DHX57: variants seen among roughly 807,000 people sequenced by gnomAD.
DHX57 encodes DExH-box helicase 57, also known as putative ATP-dependent RNA helicase DHX57.
In DHX57, 105 loss-of-function variants were observed where a neutral mutation model predicts 156.2. That is an observed-to-expected ratio of 0.67 (90% CI 0.57 to 0.79). The LOEUF is 0.79. Among genes scored for constraint, DHX57 ranks in the 30% least tolerant of loss-of-function variants. The probability of loss-of-function intolerance (pLI) is 0.00; values close to 1 mark genes in which losing one functional copy is unlikely to be tolerated. For synonymous variants in DHX57, 704 were observed against 595.6 expected (o/e 1.18, Z -2.65); for missense variants, 1,847 against 1,661.9 (o/e 1.11, Z -1.94).
chr2:38,823,050 G>A lies in DHX57; in HGVS notation c.3234C>T (p.Phe1078=). Residue 1078 remains phenylalanine, a synonymous_variant, in exon 17 of 24, where the codon TTC becomes TTT. Transcript: ENST00000457308. ...TGGTGAGAGCAGGATCCAAACAGCGGAAGATAGACCCAAACAACATTAGTT... is the reference window on the plus strand; with the variant it reads ...TGGTGAGAGCAGGATCCAAACAGCGAAAGATAGACCCAAACAACATTAGTT... ...IGKLMLFGSI[F]RCLDPALTIA... 1.2e-6 allele frequency: 2 copies of A among 1,614,112 alleles called. No individual in the cohort carries two copies. Among genetic ancestry groups the A allele is most frequent in the Non-Finnish European group, 1.7e-6 (2 of 1,180,006 alleles).
chr2:38,856,503 C>CTTT (rs372510406), intron 6 of DHX57, 42 bp from the exon 7 acceptor site: 206 of 1,391,302 alleles, frequency 1.5e-4, no homozygotes, highest in Middle Eastern at 5.3e-4. Context: ...GTTACTTTTT[C>CTTT]TTTTTTTTTT....
intron 19 of DHX57, 36 bp downstream of exon 19, chr2:38,818,840 AT>A (rs1192590224): frequency 1.2e-6 from 2 of 1,610,424 alleles, no homozygotes; most frequent in Admixed American, 3.3e-5. Context: ...AGCTACTCTA[AT>A]AAAAAAATGA....
At chr2:38,821,215 A>G (rs1447703788) in intron 17 of DHX57, among the ~76,000 whole-genome samples, 2 of 152,154 alleles carry the variant, frequency 1.3e-5, no homozygotes, top group Non-Finnish European at 2.9e-5. Flanking sequence ...CAGCTAAAAT[A>G]GTCCTTAGAG....
rs192801925 is a variant in DHX57 at position 38,836,061 on chromosome 2, T to C, written c.2542+1770A>G. Among the ~76,000 whole-genome samples, 157 of 152,314 alleles carry C rather than the reference T, an allele frequency of 1.0e-3. 1 individual carries two copies. The highest frequency in any genetic ancestry group is 3.4e-3 in the African/African-American group (142 of 41,558). On this transcript the variant is annotated intron_variant, in intron 13 of 23. Transcript: ENST00000457308. ...AGAAGCAGCAGTGCCAGCAAACACA[T>C]TGACATTAGACAGTCTGGCAGAAAG... is the stretch of plus-strand genomic sequence containing the variant.
intron 22 of DHX57, among the ~76,000 whole-genome samples, chr2:38,804,959 C>T (rs1438171582): frequency 6.6e-6 from 1 of 152,158 alleles, no homozygotes; most frequent in Non-Finnish European, 1.5e-5. Flanking sequence ...TTGCCTGTCT[C>T]CCTCACTAGA....
intron 1 of DHX57, among the ~76,000 whole-genome samples, chr2:38,870,605 C>G: frequency 6.6e-6 from 1 of 152,250 alleles, no homozygotes; most frequent in African/African-American, 2.4e-5. Context: ...TAGGGCTGGG[C>G]GTGGTGGCTC....
Position 38,862,327 on chromosome 2 carries a change from G to A in DHX57, c.390C>T (p.Gly130=), listed in dbSNP as rs760908368. 2 of 1,565,846 alleles carry A rather than the reference G, an allele frequency of 1.3e-6. No individual in the cohort carries two copies. The highest frequency in any genetic ancestry group is 4.5e-5 in the East Asian group (2 of 43,980). ...CATCATCTTCCTCCTCCCCAGAAAG[G>A]CCTCTTCTAGCAAAGGCAACATTTT... The part of the protein sequence containing the change: ...EQDADAGSER[G]LSGEEEDDEP... The change falls in exon 4 of 24, where the codon GGC becomes GGT. Residue 130 remains glycine (G), a synonymous_variant. Transcript: ENST00000457308.
rs2124932482 is a variant in DHX57 at position 38,861,936 on chromosome 2, C to T, written c.573-99G>A. 3 of 1,329,496 alleles carry T rather than the reference C, an allele frequency of 2.3e-6. No individual in the cohort carries two copies. In the South Asian group the frequency reaches 4.5e-5, roughly 20 times the overall value. The allele number at this position is 1,329,496 out of a possible 1,614,324, so 82.4% of individuals were successfully genotyped here. A position where few individuals can be genotyped will look rare whatever the true frequency, so the allele number is the denominator to read the frequency against. The stretch of plus-strand genomic sequence containing the variant: ...ATATGCTTAGATGAAGTTATGACTA[C>T]ACATAGGCAGGGCTTGTATTTTGAA... On this transcript the variant is annotated intron_variant, in intron 4 of 23. Transcript: ENST00000457308.
At chr2:38,843,792 A>G (rs908715745) in intron 11 of DHX57, among the ~76,000 whole-genome samples, 3 of 152,248 alleles carry the variant, frequency 2.0e-5, no homozygotes, top group African/African-American at 7.2e-5. Context: ...CCAATCTGCC[A>G]TGAGACTTCT....
At chr2:38,811,667 T>G in intron 21 of DHX57, 1 of 1,156,048 alleles carries the variant, frequency 8.7e-7, no homozygotes, top group Non-Finnish European at 1.3e-6. Context: ...CATCTGGGAT[T>G]GGAGGTGCAA....
intron 12 of DHX57, among the ~76,000 whole-genome samples, chr2:38,841,007 G>C (rs1048059161): frequency 2.0e-5 from 3 of 152,116 alleles, no homozygotes; most frequent in African/African-American, 4.8e-5. Flanking sequence ...ATTTGTAGTA[G>C]AGACAAGGTC....
chr2:38,819,176 A>G (rs1465478883), intron 17 of DHX57, 32 bp from the exon 18 acceptor site: 3 of 1,598,128 alleles, frequency 1.9e-6, no homozygotes, highest in Non-Finnish European at 2.6e-6. Flanking sequence ...GATTTAAAGA[A>G]CACTTTTTTT....
intron 23 of DHX57, among the ~76,000 whole-genome samples, chr2:38,802,278 C>A (rs140756528): frequency 1.4e-3 from 203 of 144,930 alleles, no homozygotes; most frequent in African/African-American, 4.7e-3. Flanking sequence ...TCATTGTAGA[C>A]CATCATTCAC....
At chr2:38,822,007 A>T (rs1424463657) in intron 17 of DHX57, among the ~76,000 whole-genome samples, 2 of 152,134 alleles carry the variant, frequency 1.3e-5, no homozygotes, top group Admixed American at 6.5e-5. Flanking sequence ...ATAATAAAAC[A>T]ACTACCCACC....
At chr2:38,863,943 T>C (rs1664907024) in intron 2 of DHX57, among the ~76,000 whole-genome samples, 1 of 151,532 alleles carries the variant, frequency 6.6e-6, no homozygotes, top group Admixed American at 6.6e-5. Context: ...AACTTGGAGG[T>C]AGAGGTTGCA....
Position 38,815,580 on chromosome 2 carries a change from T to G in DHX57, c.3547A>C (p.Arg1183=). The part of the protein sequence containing the change: ...IGFAREGLRA[R]EIEKRAQGGD... ...CCTTGGGCCCTTTTCTCAATTTCCC[T>G]TGCTCTGAGCCCTTCCCTTGCAAAC... is the stretch of plus-strand genomic sequence containing the variant. The change falls in exon 20 of 24, where the codon AGG becomes CGG. Residue 1183 remains arginine, a synonymous_variant. Coordinates refer to ENST00000457308, the MANE Select transcript of DHX57 (RefSeq NM_198963.3). The G allele has an allele frequency of 6.2e-7, 1 of 1,614,136 alleles. No homozygotes were observed. The highest frequency in any genetic ancestry group is 8.5e-7 in the Non-Finnish European group (1 of 1,180,026).
At chr2:38,821,264 G>T (rs1670800417) in intron 17 of DHX57, among the ~76,000 whole-genome samples, 1 of 151,774 alleles carries the variant, frequency 6.6e-6, no homozygotes, top group Non-Finnish European at 1.5e-5. Context: ...AAAAAAGAAA[G>T]ATCTCAAAAC....
At chr2:38,820,396 C>T (rs540285574) in intron 17 of DHX57, among the ~76,000 whole-genome samples, 2 of 151,926 alleles carry the variant, frequency 1.3e-5, no homozygotes, top group South Asian at 2.1e-4. Context: ...GTCCAGAGTG[C>T]TCACCATTAC....
chr2:38,823,400 T>G, intron 16 of DHX57, 131 bp from the exon 17 acceptor site: 1 of 940,072 alleles, frequency 1.1e-6, no homozygotes, highest in Non-Finnish European at 1.5e-6. Flanking sequence ...TGTTTTCTAC[T>G]TCTACCAATA....
Sources: allele counts gnomAD v4.1 joint callset (sites outside exome capture counted in the v4.1 genomes callset), GRCh38; gene constraint gnomAD v4.1.1; transcripts MANE v1.5; gene names NCBI Gene and HGNC (gene_info 2026-07-23, HGNC 2026-07-21).